BCL9: variants seen among roughly 807,000 people sequenced by gnomAD.
BCL9 encodes the protein BCL9 transcription coactivator.
A neutral mutation model predicts 88.5 loss-of-function variants in BCL9; 25 were observed. That is an observed-to-expected ratio of 0.28 (90% CI 0.21 to 0.39). The LOEUF is 0.39. BCL9 is among the 10% of genes least tolerant of loss of function. BCL9 has a pLI of 1.00. For missense variants in BCL9, 1,817 were observed against 1,877.8 expected, an observed-to-expected ratio of 0.97 and a Z score of 0.60; for synonymous variants, 711 against 673.3, an observed-to-expected ratio of 1.06 and a Z score of -0.87.
intron 1 of BCL9, among the ~76,000 whole-genome samples, chr1:147,557,715 A>T (rs1012723912): frequency 6.6e-6 from 1 of 152,204 alleles, no homozygotes; most frequent in African/African-American, 2.4e-5. Flanking sequence ...TGTATATTTT[A>T]TATATGCATG....
rs587725624 is a variant in BCL9 at position 147,572,278 on chromosome 1, A to G, written c.-478+30604A>G. Among the ~76,000 whole-genome samples the G allele has an allele frequency of 6.5e-4, 99 of 152,244 alleles. 3 individuals are homozygous for G. The South Asian group carries it at 0.019, about 30-fold the overall frequency. On this transcript the variant is annotated intron_variant, in intron 1 of 9. Coordinates refer to ENST00000234739, the MANE Select transcript of BCL9 (RefSeq NM_004326.4). ...AAACAAAAACAAAAACAAAACAAAAACAAACGTAAAAGAGATAAAACACCG... is the reference window on the plus strand; with the variant it reads ...AAACAAAAACAAAAACAAAACAAAAGCAAACGTAAAAGAGATAAAACACCG...
rs587595957 is a variant in BCL9 at position 147,587,528 on chromosome 1, TATTCC to T, written c.-477-17248_-477-17244del. ...AGAAACCTCGTGGGATTTTGCTCCC[TATTCC>T]CAAGTCTGGCTCCTTAACCATGGCA... On this transcript the variant is annotated intron_variant, in intron 1 of 9. Coordinates refer to ENST00000234739, the MANE Select transcript of BCL9 (RefSeq NM_004326.4). Among the ~76,000 whole-genome samples the T allele has an allele frequency of 2.0e-4, 30 of 152,358 alleles. No individual in the cohort carries two copies. The East Asian group carries it at 5.6e-3, about 28-fold the overall frequency.
chr1:147,624,938 C>G lies in BCL9; in HGVS notation c.4260C>G (p.Asn1420Lys). The G allele has an allele frequency of 6.2e-7, 1 of 1,609,180 alleles. No individual in the cohort carries two copies. ...GTGGATTTAGCCAAGGACCTGGCAA[C>G]CCAGGAAACATGATGTTTTAAGCTG... is the stretch of plus-strand genomic sequence containing the variant. ...GMGGFSQGPG[N>K]PGNMMF The change falls in exon 10 of 10, where the codon AAC (asparagine) becomes AAG (lysine). Residue 1420 changes from asparagine (N) to lysine (K), a missense_variant. Coordinates refer to ENST00000234739, the MANE Select transcript of BCL9 (RefSeq NM_004326.4). The surrounding 1 kb of genome is among the most constrained non-coding windows in gnomAD (Gnocchi z 4.4).
Position 147,620,478 on chromosome 1 carries a change from C to G in BCL9, c.2323C>G (p.Gln775Glu), listed in dbSNP as rs782819434. 1.3e-5 allele frequency: 21 copies of G among 1,614,006 alleles called. No homozygotes were observed. Among genetic ancestry groups the G allele is most frequent in the Non-Finnish European group, 1.8e-5 (21 of 1,180,012 alleles). ...VPLPFGEHPQ[Q>E]EYGMGPRPFL... ...ACTGCCATTTGGTGAGCACCCCCAG[C>G]AGGAGTATGGCATGGGCCCCAGACC... Residue 775 changes from glutamine (Q) to glutamate (E), a missense_variant, in exon 8 of 10, where the codon CAG becomes GAG. Gln to Glu is a conservative substitution (Grantham distance 29). Around this residue, in one of 2 missense-constraint regions of BCL9, gnomAD observed 1,228 missense variants for 1,191.6 expected, o/e 1.03. Transcript: ENST00000234739.
intron 4 of BCL9, 93 bp from the exon 5 acceptor site, chr1:147,612,790 C>T (rs1244122752): frequency 4.6e-6 from 6 of 1,296,180 alleles, no homozygotes; most frequent in African/African-American, 3.0e-5. Context: ...TCCTAAGGGT[C>T]TCCTTGACCC....
rs782239100 is a variant in BCL9 at position 147,611,795 on chromosome 1, G to A, written c.-42G>A. 1 of 1,601,230 alleles carries A rather than the reference G, an allele frequency of 6.2e-7. No individual in the cohort carries two copies. Among genetic ancestry groups the A allele is most frequent in the Non-Finnish European group, 8.6e-7 (1 of 1,168,352 alleles). On this transcript the variant is annotated 5_prime_UTR_variant, in exon 4 of 10. It removes the in-frame stop codon of an upstream open reading frame in the 5' UTR. Coordinates refer to ENST00000234739, the MANE Select transcript of BCL9 (RefSeq NM_004326.4). Reference sequence around the variant, plus strand: ...TGCTGCAACCCGAGAGGAACTCGGTGAGCCTGTCCCGTTTGTGACTGCAAG... The same window carrying A: ...TGCTGCAACCCGAGAGGAACTCGGTAAGCCTGTCCCGTTTGTGACTGCAAG...
intron 1 of BCL9, among the ~76,000 whole-genome samples, chr1:147,556,133 T>C (rs1249419158): frequency 2.0e-5 from 3 of 152,158 alleles, no homozygotes; most frequent in Non-Finnish European, 4.4e-5. Context: ...TACTTATTTA[T>C]TTTGAGACAG....
At chr1:147,560,383 A>G (rs1439354696) in intron 1 of BCL9, among the ~76,000 whole-genome samples, 5 of 151,452 alleles carry the variant, frequency 3.3e-5, no homozygotes, top group Admixed American at 3.3e-4. Context: ...TGAGGTCAGG[A>G]GTTCTAGACC....
intron 1 of BCL9, among the ~76,000 whole-genome samples, chr1:147,577,812 T>G (rs1656176451): frequency 6.6e-6 from 1 of 150,988 alleles, no homozygotes; most frequent in Non-Finnish European, 1.5e-5. Flanking sequence ...TTTGGAGCAG[T>G]GCTTCTAAAG....
chr1:147,577,298 A>G (rs1656152902), intron 1 of BCL9, among the ~76,000 whole-genome samples: 1 of 152,032 alleles, frequency 6.6e-6, no homozygotes, highest in African/African-American at 2.4e-5. Flanking sequence ...CTGTGAACTG[A>G]TAGTCTTCAG....
intron 1 of BCL9, among the ~76,000 whole-genome samples, chr1:147,576,612 A>G (rs781915822): frequency 8.5e-5 from 13 of 152,190 alleles, no homozygotes; most frequent in Non-Finnish European, 1.5e-4. Flanking sequence ...GACTTATGAC[A>G]ATAATGGTAT....
chr1:147,618,378 T>C (rs1203261001), intron 7 of BCL9, among the ~76,000 whole-genome samples: 3 of 152,186 alleles, frequency 2.0e-5, no homozygotes, highest in African/African-American at 4.8e-5. Flanking sequence ...GCCTTTTGAT[T>C]GACAATGAGA....
At chr1:147,584,304 C>T (rs1347301163) in intron 1 of BCL9, among the ~76,000 whole-genome samples, 1 of 152,186 alleles carries the variant, frequency 6.6e-6, no homozygotes, top group African/African-American at 2.4e-5. Context: ...TCCTGGACTT[C>T]CCAAAGTGCT....
At chr1:147,593,504 T>C (rs181029027) in intron 1 of BCL9, among the ~76,000 whole-genome samples, 129 of 152,314 alleles carry the variant, frequency 8.5e-4, no homozygotes, top group Admixed American at 1.5e-3. Context: ...ACACTTGGTA[T>C]TTATTCATAT....
At chr1:147,587,993 G>A (rs1553199461) in intron 1 of BCL9, among the ~76,000 whole-genome samples, 1 of 152,174 alleles carries the variant, frequency 6.6e-6, no homozygotes, top group Non-Finnish European at 1.5e-5. Context: ...CGTCAAGTTT[G>A]TGATATAGTA....
Position 147,614,505 on chromosome 1 carries a change from C to CCTA in BCL9, c.450_451insTAC (p.Ala150_Pro151insTyr), listed in dbSNP as rs782393957. ...TCGATGACCCCATCAAATGCTACAG[C>CCTA]CCCCAGGTCTTCTACCCCCTCCCAT... On this transcript the variant is annotated inframe_insertion, in exon 6 of 10. Coordinates refer to ENST00000234739, the MANE Select transcript of BCL9 (RefSeq NM_004326.4). The CCTA allele has an allele frequency of 6.2e-7, 1 of 1,613,932 alleles. No homozygotes were observed. Among genetic ancestry groups the CCTA allele is most frequent in the Non-Finnish European group, 8.5e-7 (1 of 1,179,870 alleles).
intron 1 of BCL9, among the ~76,000 whole-genome samples, chr1:147,595,723 A>AT (rs1249881701): frequency 6.6e-6 from 1 of 152,100 alleles, no homozygotes; most frequent in Non-Finnish European, 1.5e-5. Context: ...ATTAGTGGAA[A>AT]TTGAGGAAGA....
At chr1:147,559,948 C>T (rs1396656622) in intron 1 of BCL9, among the ~76,000 whole-genome samples, 1 of 152,136 alleles carries the variant, frequency 6.6e-6, no homozygotes, top group Admixed American at 6.5e-5. Context: ...TTAGTAAAAC[C>T]CTGGTTACAT....
chr1:147,580,218 C>T (rs1034019199), intron 1 of BCL9, among the ~76,000 whole-genome samples: 1 of 152,174 alleles, frequency 6.6e-6, no homozygotes, highest in Non-Finnish European at 1.5e-5. Flanking sequence ...AAAACCAATC[C>T]TGTGTGCTAG....
Sources: gnomAD v4.1 joint callset for allele counts (sites outside exome capture counted in the v4.1 genomes callset) on GRCh38, gnomAD v4.1.1 for gene constraint, gnomAD v4.1.1 regional missense constraint, Gnocchi (gnomAD v3.1) non-coding constraint, MANE v1.5 for transcripts, NCBI Gene and HGNC (gene_info 2026-07-23, HGNC 2026-07-21) for gene names.